Variants in FHIT observed in about 807,000 individuals in gnomAD.
FHIT encodes fragile histidine triad diadenosine triphosphatase.
FHIT carries 19 observed loss-of-function variants against 17.9 expected under a neutral mutation model. That is an observed-to-expected ratio of 1.06 (90% CI 0.74 to 1.56). The LOEUF is 1.56. Ranked by LOEUF, FHIT falls within the 40% of genes most tolerant of loss-of-function variation. The pLI is 0.00. For synonymous variants in FHIT, 81 were observed against 69.7 expected (o/e 1.16, Z -0.81); for missense variants, 248 against 189.2 (o/e 1.31, Z -1.82).
intron 5 of FHIT, among the ~76,000 whole-genome samples, chr3:60,252,764 G>A (rs1236904556): frequency 1.3e-5 from 2 of 152,000 alleles, no homozygotes; most frequent in African/African-American, 2.4e-5. Context: ...GCCGAGGCCG[G>A]TGGATCACTA....
intron 3 of FHIT, among the ~76,000 whole-genome samples, chr3:61,014,113 G>C (rs1156921617): frequency 1.3e-5 from 2 of 152,166 alleles, no homozygotes; most frequent in East Asian, 1.9e-4. Flanking sequence ...TACTCAAGCT[G>C]CACCACTATC....
intron 4 of FHIT, among the ~76,000 whole-genome samples, chr3:60,694,307 AGAAAG>A (rs1174667093): frequency 6.6e-6 from 1 of 152,108 alleles, no homozygotes; most frequent in Non-Finnish European, 1.5e-5. Flanking sequence ...AAAAAAAAAA[AGAAAG>A]GAAAGAAAGA....
At chr3:60,578,019 C>T (rs1176460392) in intron 4 of FHIT, among the ~76,000 whole-genome samples, 2 of 152,152 alleles carry the variant, frequency 1.3e-5, no homozygotes, top group African/African-American at 4.8e-5. Flanking sequence ...AGCCCAGCAT[C>T]ATGTACCAAA....
intron 7 of FHIT, among the ~76,000 whole-genome samples, chr3:59,963,438 G>GT (rs1707779855): frequency 6.6e-6 from 1 of 151,896 alleles, no homozygotes; most frequent in Non-Finnish European, 1.5e-5. Context: ...TTATTCACTT[G>GT]TTTTTTATTT....
At chr3:60,754,086 C>T (rs1359583680) in intron 4 of FHIT, among the ~76,000 whole-genome samples, 1 of 152,158 alleles carries the variant, frequency 6.6e-6, no homozygotes, top group Non-Finnish European at 1.5e-5. Context: ...GTGTAGTCTT[C>T]TGAAGACCAA....
chr3:60,066,198 C>G (rs1336081334), intron 5 of FHIT, among the ~76,000 whole-genome samples: 1 of 151,952 alleles, frequency 6.6e-6, no homozygotes, highest in Non-Finnish European at 1.5e-5. Context: ...GTTGTGAGAG[C>G]TCTTTTATTT....
chr3:61,224,407 T>A (rs868744012), intron 1 of FHIT, among the ~76,000 whole-genome samples: 34 of 151,958 alleles, frequency 2.2e-4, no homozygotes, highest in South Asian at 6.2e-4. Flanking sequence ...TATGTTACTA[T>A]TTTATTTTAT....
intron 3 of FHIT, among the ~76,000 whole-genome samples, chr3:60,842,639 ATATATATTTTTT>A (rs1702772044): frequency 0.012 from 514 of 43,382 alleles, 9 homozygotes; most frequent in South Asian, 0.027. Flanking sequence ...GTATATATAT[ATATATATTTTTT>A]TTTTTTTTTT....
Position 60,317,019 on chromosome 3 carries a change from A to G in FHIT, c.103+219841T>C, listed in dbSNP as rs117216458. On this transcript the variant is annotated intron_variant, in intron 5 of 9. Transcript: ENST00000492590. ...ATTCCAAATGATCCTTATTCACAATAAAATGTGTTAACCATAGCTATACAG... is the reference window on the plus strand; with the variant it reads ...ATTCCAAATGATCCTTATTCACAATGAAATGTGTTAACCATAGCTATACAG... Among the ~76,000 whole-genome samples the G allele has an allele frequency of 3.9e-3, 590 of 152,316 alleles. 16 individuals carry two copies. The South Asian group carries it at 0.067, about 17-fold the overall frequency.
At chr3:59,986,527 A>T (rs1213074084) in intron 7 of FHIT, among the ~76,000 whole-genome samples, 155 of 5,282 alleles carry the variant, frequency 0.029, no homozygotes, top group Non-Finnish European at 0.033. Flanking sequence ...ATATATATAT[A>T]TATATATATA....
chr3:60,105,899 C>G (rs1481458240), intron 5 of FHIT, among the ~76,000 whole-genome samples: 1 of 152,158 alleles, frequency 6.6e-6, no homozygotes, highest in Non-Finnish European at 1.5e-5. Flanking sequence ...ACAGTAGTCC[C>G]TCCTGATCTG....
intron 5 of FHIT, among the ~76,000 whole-genome samples, chr3:60,501,975 A>G (rs888091005): frequency 4.6e-5 from 7 of 152,216 alleles, no homozygotes; most frequent in African/African-American, 1.4e-4. Flanking sequence ...ATGTAAACAA[A>G]TGATACAATG....
At chr3:59,763,258 A>G (rs1701618644) in intron 8 of FHIT, among the ~76,000 whole-genome samples, 1 of 152,240 alleles carries the variant, frequency 6.6e-6, no homozygotes, top group African/African-American at 2.4e-5. Context: ...TCGGAAGCAC[A>G]GTGTAGGCAA....
intron 5 of FHIT, among the ~76,000 whole-genome samples, chr3:60,125,581 A>G (rs9818726): frequency 0.52 from 77,231 of 149,588 alleles, 20,217 homozygotes; most frequent in Non-Finnish European, 0.55. Context: ...GCAGTGAGCC[A>G]AGATCATGCC....
intron 8 of FHIT, among the ~76,000 whole-genome samples, chr3:59,787,322 G>C (rs1323767695): frequency 6.6e-6 from 1 of 152,052 alleles, no homozygotes; most frequent in African/African-American, 2.4e-5. Context: ...TTTGAGTTGT[G>C]GTTAAACTTT....
intron 8 of FHIT, among the ~76,000 whole-genome samples, chr3:59,824,003 A>G (rs1198291180): frequency 6.6e-6 from 1 of 152,254 alleles, no homozygotes; most frequent in African/African-American, 2.4e-5. Context: ...ACAAAGTTTC[A>G]AGATAGAAAT....
chr3:60,109,288 A>C (rs1163051471), intron 5 of FHIT, among the ~76,000 whole-genome samples: 1 of 152,190 alleles, frequency 6.6e-6, no homozygotes, highest in Non-Finnish European at 1.5e-5. Context: ...AGTTAATGTC[A>C]TTCACACAAG....
At chr3:60,453,855 G>A (rs1055928636) in intron 5 of FHIT, among the ~76,000 whole-genome samples, 1 of 152,068 alleles carries the variant, frequency 6.6e-6, no homozygotes, top group Non-Finnish European at 1.5e-5. Context: ...ATGCTAATAA[G>A]AACACTGAGG....
chr3:59,750,145 A>AAGAC (rs1700814432), intron 9 of FHIT: 2 of 227,070 alleles, frequency 8.8e-6, no homozygotes, highest in Non-Finnish European at 1.8e-5. Flanking sequence ...GCCTCCAGGC[A>AAGAC]AGACAGAAGC....
Sources: gnomAD v4.1 joint callset for allele counts (sites outside exome capture counted in the v4.1 genomes callset) on GRCh38, gnomAD v4.1.1 for gene constraint, MANE v1.5 for transcripts, NCBI Gene and HGNC (gene_info 2026-07-23, HGNC 2026-07-21) for gene names.